MAPK10: variants seen among roughly 807,000 people sequenced by gnomAD.
The protein encoded by MAPK10 is JNK3 alpha protein kinase.
Under a neutral mutation model 59.3 loss-of-function variants are expected in MAPK10, and 25 were observed. The observed-to-expected ratio is 0.42, with a 90% CI of 0.31 to 0.59. The LOEUF is 0.59. MAPK10 is among the 20% of genes least tolerant of loss of function. MAPK10 has a pLI of 0.15. For synonymous variants in MAPK10, 190 were observed against 200.5 expected, an observed-to-expected ratio of 0.95 and a Z score of 0.44; for missense variants, 351 against 568.9, an observed-to-expected ratio of 0.62 and a Z score of 3.90.
chr4:86,366,801 G>C (rs1310696874), intron 1 of MAPK10, among the ~76,000 whole-genome samples: 2 of 152,176 alleles, frequency 1.3e-5, no homozygotes, highest in East Asian at 3.8e-4. Context: ...GTGAATTAAG[G>C]GGGTAGCAGT....
chr4:86,365,431 CAAAAAAAAAAAAAAAAAAAAAA>C (rs70948789), intron 1 of MAPK10, among the ~76,000 whole-genome samples: 780 of 32,476 alleles, frequency 0.024, 23 homozygotes, highest in Non-Finnish European at 0.033. Context: ...GACTCTGTCT[CAAAAAAAAAAAAAAAAAAAAAA>C]AAAAAAAAAA....
At chr4:86,379,423 G>A (rs1336842623) in intron 1 of MAPK10, among the ~76,000 whole-genome samples, 1 of 152,162 alleles carries the variant, frequency 6.6e-6, no homozygotes, top group African/African-American at 2.4e-5. Context: ...GTTGGGAATA[G>A]GCCCCCAAAA....
At chr4:86,095,034 C>T (rs1335033769) in intron 9 of MAPK10, 3 of 151,506 alleles carry the variant, frequency 2.0e-5, no homozygotes, top group Non-Finnish European at 4.4e-5. Flanking sequence ...ATAGTGTATG[C>T]ATAATTAAGA....
intron 11 of MAPK10, among the ~76,000 whole-genome samples, chr4:86,044,294 A>T (rs1324180937): frequency 6.6e-6 from 1 of 152,188 alleles, no homozygotes; most frequent in African/African-American, 2.4e-5. Flanking sequence ...ACGGCTGCAC[A>T]TTGAAATCAT....
chr4:86,038,483 G>A (rs956742217), intron 11 of MAPK10, among the ~76,000 whole-genome samples: 1 of 152,098 alleles, frequency 6.6e-6, no homozygotes, highest in African/African-American at 2.4e-5. Context: ...GATAGAACAG[G>A]AAATCCATTA....
At chr4:86,375,264 C>T (rs967659339) in intron 1 of MAPK10, among the ~76,000 whole-genome samples, 6 of 151,892 alleles carry the variant, frequency 4.0e-5, no homozygotes. Context: ...AGGAACCAGC[C>T]AATGGTAATG....
intron 1 of MAPK10, among the ~76,000 whole-genome samples, chr4:86,590,059 A>C (rs1444415269): frequency 6.6e-6 from 1 of 152,202 alleles, no homozygotes; most frequent in Non-Finnish European, 1.5e-5. Flanking sequence ...GAGTTAAATA[A>C]ATTATGCTAC....
intron 1 of MAPK10, among the ~76,000 whole-genome samples, chr4:86,438,765 C>T (rs1749075451): frequency 6.6e-6 from 1 of 150,934 alleles, no homozygotes; most frequent in African/African-American, 2.4e-5. Flanking sequence ...GCCAGTAAGA[C>T]TGAGGGAACC....
At chr4:86,126,873 C>T (rs896963822) in intron 4 of MAPK10, among the ~76,000 whole-genome samples, 2 of 151,896 alleles carry the variant, frequency 1.3e-5, no homozygotes, top group Non-Finnish European at 2.9e-5. Flanking sequence ...ATATCCAATC[C>T]GTGATTTCCC....
intron 2 of MAPK10, among the ~76,000 whole-genome samples, chr4:86,242,408 C>T (rs1170610770): frequency 6.6e-6 from 1 of 152,164 alleles, no homozygotes; most frequent in African/African-American, 2.4e-5. Flanking sequence ...CTGAGGGAAA[C>T]CCACTTGTCT....
At chr4:86,457,118 T>C (rs1042965924), upstream of MAPK10, among the ~76,000 whole-genome samples, 1 of 152,160 alleles carries the variant, frequency 6.6e-6, no homozygotes, top group African/African-American at 2.4e-5. Context: ...CCCTTTATGA[T>C]TAAAACTCTT....
chr4:86,176,341 T>G (rs575594644), intron 3 of MAPK10, among the ~76,000 whole-genome samples: 1 of 152,264 alleles, frequency 6.6e-6, no homozygotes, highest in South Asian at 2.1e-4. Flanking sequence ...CTGGAATATT[T>G]TTTAACACAA....
chr4:86,474,484 G>C (rs1480349721), intron 1 of MAPK10, among the ~76,000 whole-genome samples: 1 of 152,184 alleles, frequency 6.6e-6, no homozygotes, highest in Admixed American at 6.5e-5. Context: ...TCCTCCAAAA[G>C]CATAGAGAGG....
chr4:86,511,636 G>A (rs1162806497), intron 1 of MAPK10, among the ~76,000 whole-genome samples: 2 of 150,282 alleles, frequency 1.3e-5, no homozygotes, highest in Non-Finnish European at 3.0e-5. Context: ...AAAGAAGAAG[G>A]AAGAAGAATA....
chr4:86,313,266 T>A (rs937955263), intron 2 of MAPK10, among the ~76,000 whole-genome samples: 2 of 152,090 alleles, frequency 1.3e-5, no homozygotes, highest in Non-Finnish European at 2.9e-5. Flanking sequence ...CAGACCCAAA[T>A]GTAAATGCTT....
At chr4:86,334,482 C>T (rs1165969663) in intron 2 of MAPK10, among the ~76,000 whole-genome samples, 2 of 152,162 alleles carry the variant, frequency 1.3e-5, no homozygotes, top group East Asian at 1.9e-4. Flanking sequence ...CATGTCATAA[C>T]TAATATGGCC....
rs572159907 is a variant in MAPK10 at position 86,294,029 on chromosome 4, G to A, written c.-7+60501C>T. On this transcript the variant is annotated intron_variant, in intron 2 of 13. Coordinates refer to ENST00000641462, the MANE Select transcript of MAPK10 (RefSeq NM_138982.4). Reference sequence around the variant, plus strand: ...AGCATGCAGGACAACCCAGAAGTGCGGAGTTAACACCCACAGAAGCAACTC... The same window carrying A: ...AGCATGCAGGACAACCCAGAAGTGCAGAGTTAACACCCACAGAAGCAACTC... Among the ~76,000 whole-genome samples the A allele has an allele frequency of 1.5e-3, 228 of 152,230 alleles. 1 individual carries two copies. Among genetic ancestry groups the A allele is most frequent in the South Asian group, 5.0e-3 (24 of 4,820 alleles).
chr4:86,301,053 T>C (rs181652720), intron 2 of MAPK10, among the ~76,000 whole-genome samples: 2 of 152,226 alleles, frequency 1.3e-5, no homozygotes, highest in East Asian at 1.9e-4. Context: ...TGAAACAGTC[T>C]TTGTTGTGGG....
intron 4 of MAPK10, among the ~76,000 whole-genome samples, chr4:86,149,999 TA>T (rs199719978): frequency 6.6e-6 from 1 of 150,550 alleles, no homozygotes; most frequent in African/African-American, 2.4e-5. Flanking sequence ...TACAGAAAAG[TA>T]AAAAAAAACG....
Sources: gnomAD v4.1 joint callset for allele counts (sites outside exome capture counted in the v4.1 genomes callset) on GRCh38, gnomAD v4.1.1 for gene constraint, MANE v1.5 for transcripts, NCBI Gene and HGNC (gene_info 2026-07-23, HGNC 2026-07-21) for gene names.